Variants in CSMD3 observed in about 807,000 individuals in gnomAD.
The protein encoded by CSMD3 is CUB and Sushi multiple domains 3.
In CSMD3, 177 loss-of-function variants were observed where a neutral mutation model predicts 435.2. The observed-to-expected ratio is 0.41, with a 90% CI of 0.36 to 0.46. The LOEUF (loss-of-function observed/expected upper bound fraction) is 0.46. Among genes scored for constraint, CSMD3 ranks in the 20% least tolerant of loss-of-function variants. The pLI is 0.34. For missense variants in CSMD3, 4,265 were observed against 4,504.6 expected (o/e 0.95, Z 1.52); for synonymous variants, 1,656 against 1,520.5 (o/e 1.09, Z -2.07).
At position 113,057,781 on chromosome 8, in the gene CSMD3, A is replaced by G. The variant is rs1387074474; in HGVS notation, c.918-38602T>C. Among the ~76,000 whole-genome samples, 7 of 151,962 alleles carry G rather than the reference A, an allele frequency of 4.6e-5. No homozygotes were observed. In the East Asian group the frequency reaches 1.2e-3, roughly 25 times the overall value. On this transcript the variant is annotated intron_variant, in intron 5 of 70. Coordinates refer to ENST00000297405, the MANE Select transcript of CSMD3 (RefSeq NM_198123.2). Reference sequence around the variant, plus strand: ...TACTTTTATATATCAGATGGCTTCAAAATAATTACTAATTTTAGAAGCAAT... The same window carrying G: ...TACTTTTATATATCAGATGGCTTCAGAATAATTACTAATTTTAGAAGCAAT...
chr8:112,774,683 A>C (rs2078203615), intron 13 of CSMD3, among the ~76,000 whole-genome samples: 1 of 151,954 alleles, frequency 6.6e-6, no homozygotes, highest in South Asian at 2.1e-4. Context: ...TGGGCATTAG[A>C]GACAATTCAT....
intron 27 of CSMD3, among the ~76,000 whole-genome samples, chr8:112,523,157 T>A (rs1824476651): frequency 6.6e-6 from 1 of 152,010 alleles, no homozygotes; most frequent in African/African-American, 2.4e-5. Flanking sequence ...AAATCTTGGA[T>A]CTCATACAGT....
intron 40 of CSMD3, 104 bp downstream of exon 40, chr8:112,351,071 T>C: frequency 1.4e-6 from 1 of 735,888 alleles, no homozygotes. Flanking sequence ...AATCATGATA[T>C]ACAGAATGAA....
chr8:113,071,346 G>C (rs1279460710), intron 5 of CSMD3, among the ~76,000 whole-genome samples: 4 of 151,704 alleles, frequency 2.6e-5, no homozygotes, highest in Non-Finnish European at 4.4e-5. Flanking sequence ...AGTCCCAATT[G>C]TTTATTTTTG....
At chr8:112,754,943 T>C (rs2077655115) in intron 13 of CSMD3, among the ~76,000 whole-genome samples, 2 of 152,210 alleles carry the variant, frequency 1.3e-5, no homozygotes, top group South Asian at 4.1e-4. Context: ...TTAGTTCCAA[T>C]ATGATTTGGC....
chr8:112,968,113 T>C (rs1246616909), intron 7 of CSMD3, among the ~76,000 whole-genome samples: 1 of 151,772 alleles, frequency 6.6e-6, no homozygotes, highest in Non-Finnish European at 1.5e-5. Context: ...AAAGTAAATA[T>C]GGCTGATTTC....
chr8:112,684,598 A>G (rs889728291), intron 15 of CSMD3, among the ~76,000 whole-genome samples: 1 of 152,122 alleles, frequency 6.6e-6, no homozygotes, highest in African/African-American at 2.4e-5. Context: ...AAACAGAAGC[A>G]TTAGTATCTA....
At chr8:113,009,744 A>G (rs17602288) in intron 6 of CSMD3, among the ~76,000 whole-genome samples, 91,594 of 151,572 alleles carry the variant, frequency 0.6, 29,290 homozygotes, top group East Asian at 0.95. Context: ...TTCAACAAAC[A>G]TGCACTGAGT....
chr8:113,024,312 GTGTGTGTT>G (rs373829668), intron 5 of CSMD3, among the ~76,000 whole-genome samples: 3,708 of 11,640 alleles, frequency 0.32, 91 homozygotes, highest in African/African-American at 0.47. Flanking sequence ...GTGTGTGTGT[GTGTGTGTT>G]TGTGTGTGTG....
intron 6 of CSMD3, among the ~76,000 whole-genome samples, chr8:112,989,244 A>T (rs949356302): frequency 1.3e-5 from 2 of 152,050 alleles, no homozygotes; most frequent in Non-Finnish European, 2.9e-5. Flanking sequence ...AAGACCTGAT[A>T]TATGGCACTT....
chr8:112,524,870 TTC>T (rs1210267969), intron 27 of CSMD3, among the ~76,000 whole-genome samples: 1 of 152,042 alleles, frequency 6.6e-6, no homozygotes, highest in Non-Finnish European at 1.5e-5. Flanking sequence ...AAATAATCAT[TTC>T]TGTTACACAT....
At chr8:113,264,995 A>G (rs1051342022) in intron 3 of CSMD3, among the ~76,000 whole-genome samples, 2 of 151,720 alleles carry the variant, frequency 1.3e-5, no homozygotes, top group Non-Finnish European at 3.0e-5. Context: ...AGGCAGGTAC[A>G]CAAAATGAGT....
At chr8:112,266,324 G>C (rs1228117592) in intron 59 of CSMD3, among the ~76,000 whole-genome samples, 2 of 152,246 alleles carry the variant, frequency 1.3e-5, no homozygotes, top group East Asian at 3.9e-4. Flanking sequence ...GTCACGTTTT[G>C]CAGAGCAGGG....
chr8:112,268,670 G>A (rs1403061231), intron 59 of CSMD3, among the ~76,000 whole-genome samples: 1 of 152,098 alleles, frequency 6.6e-6, no homozygotes, highest in African/African-American at 2.4e-5. Context: ...TTATTCCACT[G>A]CTTTTCTGTT....
chr8:112,955,535 C>T (rs1461872130), intron 7 of CSMD3, among the ~76,000 whole-genome samples: 4 of 151,744 alleles, frequency 2.6e-5, no homozygotes, highest in Admixed American at 6.6e-5. Context: ...TCCAAATCTT[C>T]TAGCTATTTT....
chr8:112,655,745 A>G (rs965049832), intron 18 of CSMD3, among the ~76,000 whole-genome samples: 8 of 152,032 alleles, frequency 5.3e-5, no homozygotes, highest in African/African-American at 1.9e-4. Context: ...TTAAATGGAA[A>G]ATATGTGCAA....
chr8:112,499,263 C>A (rs933826248), intron 30 of CSMD3, among the ~76,000 whole-genome samples: 5 of 151,686 alleles, frequency 3.3e-5, no homozygotes, highest in Non-Finnish European at 5.9e-5. Context: ...TATCAAAAAA[C>A]CAGAAAAAAA....
chr8:112,263,805 G>T lies in CSMD3; in HGVS notation c.9696C>A (p.Thr3232=), dbSNP rs1240943833. 1 of 1,613,472 alleles carries T rather than the reference G, an allele frequency of 6.2e-7. No homozygotes were observed. Among genetic ancestry groups the T allele is most frequent in the African/African-American group, 1.3e-5 (1 of 74,894 alleles). ...SGVMPTCRAV[T]CPTPPQISNG... ...TAGAGATCTGGGGAGGAGTTGGGCAGGTAACAGCTGCAATTACATTAAAAG... is the reference window on the plus strand; with the variant it reads ...TAGAGATCTGGGGAGGAGTTGGGCATGTAACAGCTGCAATTACATTAAAAG... The change falls in exon 61 of 71, where the codon ACC becomes ACA. Residue 3232 remains threonine, a synonymous_variant. Coordinates refer to ENST00000297405, the MANE Select transcript of CSMD3 (RefSeq NM_198123.2).
intron 1 of CSMD3, among the ~76,000 whole-genome samples, chr8:113,345,184 A>G (rs4437686): frequency 0.63 from 95,545 of 151,946 alleles, 30,948 homozygotes; most frequent in East Asian, 0.74. Context: ...AAATATTCAA[A>G]CAAAGGATAA....
Sources: gnomAD v4.1 joint callset for allele counts (sites outside exome capture counted in the v4.1 genomes callset) on GRCh38, gnomAD v4.1.1 for gene constraint, MANE v1.5 for transcripts, NCBI Gene and HGNC (gene_info 2026-07-23, HGNC 2026-07-21) for gene names.